TDRD6: variants seen among roughly 807,000 people sequenced by gnomAD.
TDRD6 encodes tudor domain-containing protein 6.
In TDRD6, 186 loss-of-function variants were observed where a neutral mutation model predicts 157.5. That is an observed-to-expected ratio of 1.18 (90% CI 1.05 to 1.33). The LOEUF is 1.33. Among genes scored for constraint, TDRD6 ranks in the 40% most tolerant of loss-of-function variants. The pLI is 0.00. For missense variants in TDRD6, 3,066 were observed against 2,508.0 expected (o/e 1.22, Z -4.75); for synonymous variants, 1,075 against 945.2 (o/e 1.14, Z -2.52).
chr6:46,692,108 A>G lies in TDRD6; in HGVS notation c.3980A>G (p.Asp1327Gly). Residue 1327 changes from aspartate to glycine, a missense_variant, in exon 1 of 4, where the codon GAT becomes GGT. Transcript: ENST00000316081. The stretch of plus-strand genomic sequence containing the variant: ...GACTTTTATGTTCAACTAATAGAAG[A>G]TGAAGCTGAAATTAGTCATCTTTCA... ...LSDFYVQLIE[D>G]EAEISHLSER... 1 of 1,613,432 alleles carries G rather than the reference A, an allele frequency of 6.2e-7. No homozygotes were observed. The highest frequency in any genetic ancestry group is 8.5e-7 in the Non-Finnish European group (1 of 1,179,646).
chr6:46,698,146 T>C, intron 3 of TDRD6, 59 bp downstream of exon 3: 1 of 1,284,462 alleles, frequency 7.8e-7, no homozygotes, highest in Non-Finnish European at 1.1e-6. Context: ...TGAAAGGTGA[T>C]TTAACAAACT....
rs1386738565 is a variant in TDRD6, at chr6:46,691,922, C to A, written c.3794C>A (p.Thr1265Lys). The A allele has an allele frequency of 6.3e-7, 1 of 1,598,026 alleles. No homozygotes were observed. The highest frequency in any genetic ancestry group is 1.1e-5 in the South Asian group (1 of 87,700). The change falls in exon 1 of 4, where the codon ACA becomes AAA. Residue 1265 changes from threonine to lysine, a missense_variant. By Grantham distance (78) the Thr-to-Lys change is moderately conservative. Transcript: ENST00000316081. The stretch of plus-strand genomic sequence containing the variant: ...AAGAAAGAAGAAATTTCTGCTGAGA[C>A]ACCCTTGAAAACAGCAAGAGTAGAA... Reference protein sequence around the residue: ...TEKKEEISAETPLKTARVEAT... With the variant: ...TEKKEEISAEKPLKTARVEAT...
At position 46,689,122 on chromosome 6, in the gene TDRD6, C is replaced by T; in HGVS notation, c.994C>T (p.Leu332Phe). The T allele has an allele frequency of 6.2e-7, 1 of 1,614,142 alleles. No individual in the cohort carries two copies. The highest frequency in any genetic ancestry group is 8.5e-7 in the Non-Finnish European group (1 of 1,180,036). ...LDGHWYRALL[L>F]ETFRPQRCAQ... ...TGGACATTGGTACAGAGCACTGTTG[C>T]TTGAGACTTTTCGGCCCCAGCGCTG... Residue 332 changes from leucine to phenylalanine, a missense_variant, in exon 1 of 4, where the codon CTT (leucine) becomes TTT (phenylalanine). By Grantham distance (22) the Leu-to-Phe change is conservative (BLOSUM62 0). Coordinates refer to ENST00000316081, the MANE Select transcript of TDRD6 (RefSeq NM_001010870.3).
In TDRD6 at chr6:46,688,024, GA is replaced by G; in HGVS notation, c.-103del. On this transcript the variant is annotated 5_prime_UTR_variant, in exon 1 of 4. Coordinates refer to ENST00000316081, the MANE Select transcript of TDRD6 (RefSeq NM_001010870.3). ...ATTCTTCCCCTCCACTGGGTCCTTT[GA>G]ACCTAGTTTGGCTGGGACTCGCCTT... The G allele has an allele frequency of 7.2e-7, 1 of 1,382,370 alleles. No individual in the cohort carries two copies. The allele number at this position is 1,382,370 out of a possible 1,614,324, so 85.6% of individuals were successfully genotyped here.
Position 46,693,543 on chromosome 6 carries a change from A to C in TDRD6, c.5415A>C (p.Ala1805=), listed in dbSNP as rs1250008029. 1 of 1,613,964 alleles carries C rather than the reference A, an allele frequency of 6.2e-7. No individual in the cohort carries two copies. Among genetic ancestry groups the C allele is most frequent in the Non-Finnish European group, 8.5e-7 (1 of 1,179,940 alleles). The change falls in exon 1 of 4, where the codon GCA becomes GCC. Residue 1805 remains alanine (A), a synonymous_variant. Coordinates refer to ENST00000316081, the MANE Select transcript of TDRD6 (RefSeq NM_001010870.3). The stretch of plus-strand genomic sequence containing the variant: ...TAGAGTGCCATCTGGTTGACAAAGC[A>C]GAGTTTGATGATAAATACCTGATTA... ...GELECHLVDK[A]EFDDKYLITG... is the part of the protein sequence containing the mutation.
At position 46,692,743 on chromosome 6, in the gene TDRD6, G is replaced by C; in HGVS notation, c.4615G>C (p.Ala1539Pro). 6.2e-7 allele frequency: 1 copy of C among 1,614,206 alleles called. No homozygotes were observed. ...ACCTGAGTACTTTTGGTGTCAGTTT[G>C]CTGATACGGAGAAACTTCAGTGTTT... ...DGPEYFWCQF[A>P]DTEKLQCLEV... The change falls in exon 1 of 4, where the codon GCT becomes CCT. Residue 1539 changes from alanine to proline, a missense_variant. Transcript: ENST00000316081.
In TDRD6 at chr6:46,693,234, T is replaced by C. The variant is rs946841400; in HGVS notation, c.5106T>C (p.Gly1702=). ...AAATGGAGAAATATTCTAAGACTGG[T>C]ATTAAAAGTGCTCTTCCCTATGAAA... ...NEKMEKYSKT[G]IKSALPYENI... is the part of the protein sequence containing the mutation. Residue 1702 remains glycine, a synonymous_variant, in exon 1 of 4, where the codon GGT becomes GGC. Coordinates refer to ENST00000316081, the MANE Select transcript of TDRD6 (RefSeq NM_001010870.3). 3 of 1,613,252 alleles carry C rather than the reference T, an allele frequency of 1.9e-6. No homozygotes were observed. The highest frequency in any genetic ancestry group is 2.5e-6 in the Non-Finnish European group (3 of 1,179,834).
intron 2 of TDRD6, among the ~76,000 whole-genome samples, chr6:46,696,925 A>G (rs1014864185): frequency 1.3e-5 from 2 of 151,790 alleles, no homozygotes; most frequent in East Asian, 1.9e-4. Context: ...TTTAAATTGT[A>G]TTATAGATTC....
chr6:46,689,195 G>C lies in TDRD6; in HGVS notation c.1067G>C (p.Cys356Ser), dbSNP rs146042445. The C allele has an allele frequency of 1.6e-4, 264 of 1,614,094 alleles. No individual in the cohort carries two copies. The highest frequency in any genetic ancestry group is 2.1e-4 in the Non-Finnish European group (246 of 1,180,058). The change falls in exon 1 of 4, where the codon TGC becomes TCC. Residue 356 changes from cysteine to serine, a missense_variant. Coordinates refer to ENST00000316081, the MANE Select transcript of TDRD6 (RefSeq NM_001010870.3). ...TATGGAAGGAAGGAGTTAGTGAGTT[G>C]CAGCAGCCTTCGGTACTTGCTGCCT... ...VDYGRKELVSCSSLRYLLPEY... is the reference protein window; with the variant it reads ...VDYGRKELVSSSSLRYLLPEY...
intron 2 of TDRD6, among the ~76,000 whole-genome samples, chr6:46,696,620 T>A (rs1764511524): frequency 1.1e-5 from 1 of 90,286 alleles, no homozygotes; most frequent in African/African-American, 4.5e-5. Context: ...TTTTTTTTTT[T>A]TTTTTTTTTG....
upstream of TDRD6, among the ~76,000 whole-genome samples, chr6:46,685,619 G>A (rs1764071488): frequency 6.6e-6 from 1 of 152,052 alleles, no homozygotes; most frequent in Non-Finnish European, 1.5e-5. Context: ...CCTGTCAAGG[G>A]GTGGAAGGAT....
chr6:46,689,829 A>G lies in TDRD6; in HGVS notation c.1701A>G (p.Val567=). The G allele has an allele frequency of 1.9e-6, 3 of 1,614,192 alleles. No homozygotes were observed. The highest frequency in any genetic ancestry group is 2.5e-6 in the Non-Finnish European group (3 of 1,180,036). The change falls in exon 1 of 4, where the codon GTA becomes GTG. Residue 567 remains valine (V), a synonymous_variant. Transcript: ENST00000316081. The part of the protein sequence containing the change: ...VTKLDDKSVD[V]FLVDRGNSEN... ...AATTGGATGACAAGAGTGTGGATGTATTCTTAGTTGACCGAGGCAATTCGG... is the reference window on the plus strand; with the variant it reads ...AATTGGATGACAAGAGTGTGGATGTGTTCTTAGTTGACCGAGGCAATTCGG...
the TDRD6 span, among the ~76,000 whole-genome samples, chr6:46,682,585 AT>A: frequency 1.3e-5 from 2 of 152,042 alleles, no homozygotes; most frequent in South Asian, 2.1e-4. Flanking sequence ...TATAAAAAAA[AT>A]CCCAAGGAAT....
At position 46,692,849 on chromosome 6, in the gene TDRD6, G is replaced by A. The variant is rs1418708091; in HGVS notation, c.4721G>A (p.Cys1574Tyr). The change falls in exon 1 of 4, where the codon TGT (cysteine) becomes TAT (tyrosine). Residue 1574 changes from cysteine (C) to tyrosine (Y), a missense_variant. Physicochemically the swap from Cys to Tyr is radical, Grantham distance 194 (BLOSUM62 -2). Coordinates refer to ENST00000316081, the MANE Select transcript of TDRD6 (RefSeq NM_001010870.3). ...CIPCPYIGDPCIVRYREDGHY... is the reference protein window; with the variant it reads ...CIPCPYIGDPYIVRYREDGHY... ...CCATGTCCTTATATTGGAGATCCTTGTATAGTAAGATACAGAGAAGATGGA... is the reference window on the plus strand; with the variant it reads ...CCATGTCCTTATATTGGAGATCCTTATATAGTAAGATACAGAGAAGATGGA... The A allele has an allele frequency of 8.1e-6, 13 of 1,613,816 alleles. No individual in the cohort carries two copies. The highest frequency in any genetic ancestry group is 1.0e-5 in the Non-Finnish European group (12 of 1,179,870).
rs1200108512 is a variant in TDRD6 at position 46,692,915 on chromosome 6, A to G, written c.4787A>G (p.Tyr1596Cys). 1.9e-6 allele frequency: 3 copies of G among 1,614,036 alleles called. No homozygotes were observed. Among genetic ancestry groups the G allele is most frequent in the Non-Finnish European group, 2.5e-6 (3 of 1,180,016 alleles). ...CTTATCACTAATATTTGTGAAGATTATCTTGTATCTGTCAGGCTTGTGGAC... is the reference window on the plus strand; with the variant it reads ...CTTATCACTAATATTTGTGAAGATTGTCTTGTATCTGTCAGGCTTGTGGAC... ...RALITNICED[Y>C]LVSVRLVDFG... The change falls in exon 1 of 4, where the codon TAT becomes TGT. Residue 1596 changes from tyrosine (Y) to cysteine (C), a missense_variant. Tyr to Cys is a radical substitution (Grantham distance 194). Coordinates refer to ENST00000316081, the MANE Select transcript of TDRD6 (RefSeq NM_001010870.3).
At position 46,694,085 on chromosome 6, in the gene TDRD6, A is replaced by G. The variant is rs765385816; in HGVS notation, c.5957A>G (p.Asp1986Gly). ...GAATTTGTAGAGTATAAAAACAGGG[A>G]TGCCATTTCGGCATTGATGCCTTTG... is the stretch of plus-strand genomic sequence containing the variant. ...EEEFVEYKNR[D>G]AISALMPLFS... Residue 1986 changes from aspartate (D) to glycine (G), a missense_variant, in exon 1 of 4, where the codon GAT becomes GGT. Coordinates refer to ENST00000316081, the MANE Select transcript of TDRD6 (RefSeq NM_001010870.3). 2 of 1,612,366 alleles carry G rather than the reference A, an allele frequency of 1.2e-6. No homozygotes were observed. The highest frequency in any genetic ancestry group is 1.3e-5 in the African/African-American group (1 of 74,902).
intron 3 of TDRD6, among the ~76,000 whole-genome samples, chr6:46,698,982 G>T (rs1764561513): frequency 6.6e-6 from 1 of 152,136 alleles, no homozygotes; most frequent in East Asian, 1.9e-4. Flanking sequence ...AGCCACCCAG[G>T]GTAGTCAGGG....
chr6:46,688,123 G>GCGCCT lies in TDRD6; in HGVS notation c.-6_-5insCGCCT, dbSNP rs777943420. 6.4e-5 allele frequency: 97 copies of GCGCCT among 1,522,562 alleles called. No individual in the cohort carries two copies. In the African/African-American group the frequency reaches 1.3e-3, roughly 20 times the overall value. The allele number at this position is 1,522,562 out of a possible 1,614,324, so 94.3% of individuals were successfully genotyped here. A position where few individuals can be genotyped will look rare whatever the true frequency, so the allele number is the denominator to read the frequency against. On this transcript the variant is annotated 5_prime_UTR_variant, in exon 1 of 4. Coordinates refer to ENST00000316081, the MANE Select transcript of TDRD6 (RefSeq NM_001010870.3). ...CCGGAAGTGGGGGCCGCGCCGCGCC[G>GCGCCT]TCAAGATGTGCTCGACGCCCGGAAT...
upstream of TDRD6, among the ~76,000 whole-genome samples, chr6:46,686,693 C>A (rs978206135): frequency 6.8e-6 from 1 of 147,274 alleles, no homozygotes; most frequent in East Asian, 1.9e-4. Context: ...AAATTGGATT[C>A]ATTCATTCAT....
Sources: allele counts gnomAD v4.1 joint callset (sites outside exome capture counted in the v4.1 genomes callset), GRCh38; gene constraint gnomAD v4.1.1; transcripts MANE v1.5; gene names NCBI Gene and HGNC (gene_info 2026-07-23, HGNC 2026-07-21).